ZNF407: variants seen among roughly 807,000 people sequenced by gnomAD.
ZNF407 encodes the protein zinc finger protein 407.
In ZNF407, 17 loss-of-function variants were observed where a neutral mutation model predicts 131.2. That is an observed-to-expected ratio of 0.13 (90% CI 0.09 to 0.19). The LOEUF (loss-of-function observed/expected upper bound fraction) is 0.19, where lower values mean the gene tolerates loss of function less well. ZNF407 is among the 10% of genes least tolerant of loss of function. The probability of loss-of-function intolerance (pLI) is 1.00; values close to 1 mark genes in which losing one functional copy is unlikely to be tolerated. For missense variants in ZNF407, 2,681 were observed against 2,830.6 expected (o/e 0.95, Z 1.20); for synonymous variants, 1,156 against 1,062.0 (o/e 1.09, Z -1.72).
intron 4 of ZNF407, among the ~76,000 whole-genome samples, chr18:74,783,152 A>G (rs892756819): frequency 2.6e-5 from 4 of 152,152 alleles, no homozygotes; most frequent in African/African-American, 7.2e-5. Context: ...CTTTGACCTT[A>G]TTAGCAGTAC....
chr18:74,998,128 G>A (rs547234517), intron 8 of ZNF407, among the ~76,000 whole-genome samples: 9 of 152,304 alleles, frequency 5.9e-5, no homozygotes, highest in Non-Finnish European at 1.0e-4. Flanking sequence ...GCTGGGATTT[G>A]AACACAGGCC....
intron 3 of ZNF407, among the ~76,000 whole-genome samples, chr18:74,656,065 A>AT (rs1985443298): frequency 1.3e-5 from 2 of 152,158 alleles, no homozygotes; most frequent in South Asian, 4.2e-4. Context: ...TTACTTTTGT[A>AT]TTTTTTATTG....
chr18:74,938,736 C>G (rs762401678), intron 8 of ZNF407, among the ~76,000 whole-genome samples: 30 of 152,116 alleles, frequency 2.0e-4, no homozygotes, highest in Non-Finnish European at 3.7e-4. Flanking sequence ...AAATGCTGAC[C>G]CATAGACTAA....
intron 6 of ZNF407, among the ~76,000 whole-genome samples, chr18:74,887,919 G>C (rs913130297): frequency 1.3e-5 from 2 of 152,128 alleles, no homozygotes; most frequent in Non-Finnish European, 2.9e-5. Context: ...CCACCAAATG[G>C]GTTGTGTATG....
intron 3 of ZNF407, among the ~76,000 whole-genome samples, chr18:74,754,297 A>G (rs1364140743): frequency 1.3e-5 from 2 of 152,102 alleles, no homozygotes; most frequent in African/African-American, 4.8e-5. Flanking sequence ...TCAAAAAACC[A>G]GTTCCTGGAT....
chr18:74,713,320 A>C (rs921121077), intron 3 of ZNF407, among the ~76,000 whole-genome samples: 2 of 147,838 alleles, frequency 1.4e-5, no homozygotes, highest in Non-Finnish European at 3.0e-5. Flanking sequence ...TAAGGTACTG[A>C]GTAAAACTTA....
chr18:74,727,619 C>T (rs761133004), intron 3 of ZNF407, among the ~76,000 whole-genome samples: 3 of 152,206 alleles, frequency 2.0e-5, no homozygotes, highest in South Asian at 2.1e-4. Flanking sequence ...TTTGCATTTT[C>T]GTTACTTTTC....
chr18:74,739,171 A>T (rs1968490460), intron 3 of ZNF407, among the ~76,000 whole-genome samples: 1 of 151,462 alleles, frequency 6.6e-6, no homozygotes, highest in African/African-American at 2.4e-5. Flanking sequence ...GTATATAAGA[A>T]TTATTACAAA....
Position 74,632,837 on chromosome 18 carries a change from C to T in ZNF407, c.1818C>T (p.His606=). 3.1e-6 allele frequency: 5 copies of T among 1,613,790 alleles called. No homozygotes were observed. Among genetic ancestry groups the T allele is most frequent in the Non-Finnish European group, 4.2e-6 (5 of 1,179,876 alleles). Residue 606 remains histidine (H), a synonymous_variant, in exon 2 of 9, where the codon CAC becomes CAT. Coordinates refer to ENST00000299687, the MANE Select transcript of ZNF407 (RefSeq NM_017757.3). ...ISLDEINLRD[H]MKEKHNMHFL... ...TGGATGAAATAAATCTTAGAGACCACATGAAGGAAAAGCACAATATGCATT... is the reference window on the plus strand; with the variant it reads ...TGGATGAAATAAATCTTAGAGACCATATGAAGGAAAAGCACAATATGCATT...
chr18:74,971,549 C>T (rs369862217), intron 8 of ZNF407, among the ~76,000 whole-genome samples: 3 of 152,198 alleles, frequency 2.0e-5, no homozygotes, highest in East Asian at 1.9e-4. Flanking sequence ...TCTGCTAAAA[C>T]GTAACAAGAG....
chr18:74,990,725 C>T (rs1972708206), intron 8 of ZNF407, among the ~76,000 whole-genome samples: 1 of 152,240 alleles, frequency 6.6e-6, no homozygotes, highest in African/African-American at 2.4e-5. Context: ...TCACACTCAA[C>T]TCTTGACTTT....
At chr18:74,689,968 T>A (rs1288363294) in intron 3 of ZNF407, among the ~76,000 whole-genome samples, 4 of 152,036 alleles carry the variant, frequency 2.6e-5, no homozygotes, top group Non-Finnish European at 5.9e-5. Context: ...GCAGGCAGTA[T>A]AGGAAAATGT....
At chr18:75,010,172 C>G (rs1364484818) in intron 8 of ZNF407, among the ~76,000 whole-genome samples, 2 of 152,168 alleles carry the variant, frequency 1.3e-5, no homozygotes, top group African/African-American at 4.8e-5. Flanking sequence ...TAATAAAGGA[C>G]AACCGTGATC....
intron 4 of ZNF407, among the ~76,000 whole-genome samples, chr18:74,788,861 AT>A (rs1969772354): frequency 6.7e-6 from 1 of 150,332 alleles, no homozygotes; most frequent in African/African-American, 2.4e-5. Flanking sequence ...AATATTATAT[AT>A]TTTTTATTCT....
At chr18:74,884,881 C>T (rs1971286445) in intron 6 of ZNF407, among the ~76,000 whole-genome samples, 1 of 152,074 alleles carries the variant, frequency 6.6e-6, no homozygotes, top group Admixed American at 6.6e-5. Flanking sequence ...CAGTGGAGTT[C>T]ATGATGTCAT....
intron 8 of ZNF407, among the ~76,000 whole-genome samples, chr18:74,971,733 C>G (rs1972475064): frequency 6.6e-6 from 1 of 152,202 alleles, no homozygotes; most frequent in African/African-American, 2.4e-5. Flanking sequence ...TCAAACTGTT[C>G]CAACTCTCTG....
chr18:74,946,353 C>A (rs576649295), intron 8 of ZNF407, among the ~76,000 whole-genome samples: 132 of 152,256 alleles, frequency 8.7e-4, no homozygotes, highest in Non-Finnish European at 1.6e-3. Context: ...TTGTTCTCTG[C>A]CCCATCCCCA....
chr18:75,035,395 A>G (rs1973296407), intron 8 of ZNF407, among the ~76,000 whole-genome samples: 1 of 152,204 alleles, frequency 6.6e-6, no homozygotes, highest in Non-Finnish European at 1.5e-5. Flanking sequence ...TTTTATTACG[A>G]TACTTCTACC....
intron 7 of ZNF407, among the ~76,000 whole-genome samples, chr18:74,911,773 A>G (rs779469462): frequency 1.3e-5 from 2 of 152,220 alleles, no homozygotes; most frequent in African/African-American, 4.8e-5. Context: ...ATAGTGAGCG[A>G]TCACTCCATG....
Sources: gnomAD v4.1 joint callset for allele counts (sites outside exome capture counted in the v4.1 genomes callset) on GRCh38, gnomAD v4.1.1 for gene constraint, MANE v1.5 for transcripts, NCBI Gene and HGNC (gene_info 2026-07-23, HGNC 2026-07-21) for gene names.